TUSC3: variants seen among roughly 807,000 people sequenced by gnomAD.
TUSC3 encodes dolichyl-diphosphooligosaccharide--protein glycosyltransferase subunit TUSC3.
A neutral mutation model predicts 44.8 loss-of-function variants in TUSC3; 45 were observed. That is an observed-to-expected ratio of 1.00 (90% CI 0.79 to 1.29). The LOEUF is 1.29. Ranked by LOEUF, TUSC3 falls within the 50% of genes most tolerant of loss-of-function variation. The pLI is 0.00. For missense variants in TUSC3, 519 were observed against 437.9 expected, an observed-to-expected ratio of 1.19 and a Z score of -1.65; for synonymous variants, 212 against 152.9, an observed-to-expected ratio of 1.39 and a Z score of -2.85.
rs573347405 is a variant in TUSC3 at position 15,489,057 on chromosome 8, T to G, written n.189+5574T>G. ...AGACTTACTCTGAGTCAAATATGAGTGACCAAGACTGAGGGCAGAGTCTCA... is the reference window on the plus strand; with the variant it reads ...AGACTTACTCTGAGTCAAATATGAGGGACCAAGACTGAGGGCAGAGTCTCA... On this transcript the variant is annotated intron_variant and non_coding_transcript_variant, in intron 2 of 5. Coordinates refer to the TUSC3 transcript ENST00000503191. 2.6e-5 allele frequency among the ~76,000 whole-genome samples: 4 copies of G among 152,178 alleles called. No homozygotes were observed. In the East Asian group the frequency reaches 5.8e-4, roughly 22 times the overall value.
At chr8:15,489,353 C>G (rs372929446) in intron 2 of TUSC3, among the ~76,000 whole-genome samples, 116 of 152,228 alleles carry the variant, frequency 7.6e-4, no homozygotes, top group African/African-American at 2.7e-3. Context: ...GTTGTGGAAA[C>G]CAAGGTTCTT....
chr8:15,634,991 A>G (rs1162021447), intron 2 of TUSC3, among the ~76,000 whole-genome samples: 1 of 152,184 alleles, frequency 6.6e-6, no homozygotes, highest in Admixed American at 6.5e-5. Flanking sequence ...CTTATTAACT[A>G]AGACCATGTC....
intron 8 of TUSC3, among the ~76,000 whole-genome samples, chr8:15,746,448 C>G (rs1811418650): frequency 1.3e-5 from 2 of 152,030 alleles, no homozygotes; most frequent in Admixed American, 6.6e-5. Flanking sequence ...TAATATTTCC[C>G]AGGTCAGAAT....
chr8:15,427,103 AAG>A (rs113964331), intron 1 of TUSC3, among the ~76,000 whole-genome samples: 18,384 of 146,890 alleles, frequency 0.13, 1,326 homozygotes, highest in Middle Eastern at 0.2. Flanking sequence ...ATTGATTTGT[AAG>A]AGTTTCTTAC....
intron 6 of TUSC3, among the ~76,000 whole-genome samples, chr8:15,690,112 G>T (rs775473321): frequency 3.6e-4 from 54 of 152,108 alleles, no homozygotes; most frequent in Non-Finnish European, 7.1e-4. Flanking sequence ...CACATTGGCA[G>T]AACTAATTTA....
chr8:15,692,949 A>C (rs1233654156), intron 6 of TUSC3, among the ~76,000 whole-genome samples: 1 of 152,096 alleles, frequency 6.6e-6, no homozygotes, highest in East Asian at 1.9e-4. Flanking sequence ...GCTTTAAAGA[A>C]TGTTTTGTCT....
At chr8:15,587,628 C>G (rs1803653731) in intron 1 of TUSC3, among the ~76,000 whole-genome samples, 1 of 152,030 alleles carries the variant, frequency 6.6e-6, no homozygotes, top group Admixed American at 6.6e-5. Context: ...TTATTGTTAA[C>G]TGTATTTACC....
intron 1 of TUSC3, chr8:15,483,371 A>ACTG: frequency 4.6e-6 from 1 of 216,222 alleles, no homozygotes; most frequent in Non-Finnish European, 9.4e-6. Context: ...ACGGAGTTTC[A>ACTG]CTGTCATTGC....
chr8:15,696,540 G>A (rs777581041), intron 6 of TUSC3, among the ~76,000 whole-genome samples: 23 of 152,156 alleles, frequency 1.5e-4, no homozygotes, highest in Non-Finnish European at 2.6e-4. Context: ...TCGTAGAGAT[G>A]TGAGAAGAGG....
intron 2 of TUSC3, among the ~76,000 whole-genome samples, chr8:15,647,386 G>A (rs535206953): frequency 1.3e-5 from 2 of 152,122 alleles, no homozygotes; most frequent in Admixed American, 1.3e-4. Context: ...TGTCTCTTAT[G>A]TTCATTTTTT....
chr8:15,573,192 CTCTCTCTCTCTATATA>C (rs1219269673), intron 1 of TUSC3, among the ~76,000 whole-genome samples: 9 of 93,276 alleles, frequency 9.6e-5, no homozygotes, highest in African/African-American at 3.0e-4. Context: ...CTCTCTCTCT[CTCTCTCTCTCTATATA>C]TATATATATA....
chr8:15,837,575 G>C, the TUSC3 span, among the ~76,000 whole-genome samples: 1 of 151,548 alleles, frequency 6.6e-6, no homozygotes, highest in South Asian at 2.1e-4. Context: ...CTTCTAATTT[G>C]TCCCGAAGTT....
chr8:15,485,473 T>G lies in TUSC3; in HGVS notation n.189+1990T>G, dbSNP rs143461110. 1.1e-4 allele frequency among the ~76,000 whole-genome samples: 16 copies of G among 151,308 alleles called. 1 individual carries two copies. Among genetic ancestry groups the G allele is most frequent in the African/African-American group, 2.0e-4 (8 of 41,018 alleles). On this transcript the variant is annotated intron_variant and non_coding_transcript_variant, in intron 2 of 5. Coordinates refer to the TUSC3 transcript ENST00000503191. ...CATTATACTCTGTTGTCTTTTTTTT[T>G]TTGTTTTTTGTGACACAGAGTTCTT...
chr8:15,458,456 C>A (rs926186915), intron 1 of TUSC3, among the ~76,000 whole-genome samples: 2 of 152,126 alleles, frequency 1.3e-5, no homozygotes, highest in Non-Finnish European at 2.9e-5. Flanking sequence ...GCAGGCTGGT[C>A]TCAAACTCCT....
At position 15,757,834 on chromosome 8, in the gene TUSC3, C is replaced by T; in HGVS notation, c.*25C>T. The T allele has an allele frequency of 1.4e-6, 2 of 1,382,872 alleles. No individual in the cohort carries two copies. Among genetic ancestry groups the T allele is most frequent in the South Asian group, 1.2e-5 (1 of 86,238 alleles). The allele number at this position is 1,382,872 out of a possible 1,614,324, so 85.7% of individuals were successfully genotyped here. A position where few individuals can be genotyped will look rare whatever the true frequency, so the allele number is the denominator to read the frequency against. On this transcript the variant is annotated 3_prime_UTR_variant, in exon 10 of 11. Transcript: ENST00000503731. ...AGAAGATGTGATTTGGACCATGGCACTTAAAAACTCTATAACCTCAGGCAA... is the reference window on the plus strand; with the variant it reads ...AGAAGATGTGATTTGGACCATGGCATTTAAAAACTCTATAACCTCAGGCAA...
chr8:15,440,792 T>C (rs1326759755), intron 1 of TUSC3, among the ~76,000 whole-genome samples: 1 of 152,202 alleles, frequency 6.6e-6, no homozygotes, highest in Non-Finnish European at 1.5e-5. Flanking sequence ...CAGGAACTAC[T>C]GGGAAGAGAG....
At chr8:15,434,266 C>T (rs542402017) in intron 1 of TUSC3, among the ~76,000 whole-genome samples, 2 of 152,050 alleles carry the variant, frequency 1.3e-5, no homozygotes, top group Non-Finnish European at 2.9e-5. Flanking sequence ...CTGTTAAAGC[C>T]TTTGACTGGT....
intron 1 of TUSC3, among the ~76,000 whole-genome samples, chr8:15,421,030 C>G (rs1210176844): frequency 6.6e-6 from 1 of 152,132 alleles, no homozygotes; most frequent in African/African-American, 2.4e-5. Context: ...TTGAACTCTG[C>G]ACTTATATAT....
chr8:15,651,014 C>A (rs549061671), intron 3 of TUSC3, 200 bp downstream of exon 3: 62 of 428,364 alleles, frequency 1.4e-4, no homozygotes, highest in Admixed American at 3.3e-4. Context: ...CACACACACA[C>A]ACACACACAA....
Sources: gnomAD v4.1 joint callset for allele counts (sites outside exome capture counted in the v4.1 genomes callset) on GRCh38, gnomAD v4.1.1 for gene constraint, MANE v1.5 for transcripts, NCBI Gene and HGNC (gene_info 2026-07-23, HGNC 2026-07-21) for gene names.